The following PLPPR1 variants were observed in gnomAD, a reference collection of about 807,000 sequenced individuals.
The protein encoded by PLPPR1 is phospholipid phosphatase related 1.
Under a neutral mutation model 33.1 loss-of-function variants are expected in PLPPR1, and 10 were observed. That is an observed-to-expected ratio of 0.30 (90% CI 0.19 to 0.51). PLPPR1 has a LOEUF of 0.51. Ranked by LOEUF, PLPPR1 falls within the 20% of genes least tolerant of loss-of-function variation. The pLI, the probability that PLPPR1 is intolerant of heterozygous loss-of-function variation, is 0.97. For synonymous variants in PLPPR1, 151 were observed against 151.0 expected (o/e 1.00, Z 0.00); for missense variants, 304 against 408.1 (o/e 0.74, Z 2.20).
In PLPPR1 at chr9:101,150,766, A is replaced by C. The variant is rs187239466; in HGVS notation, c.-45-34684A>C. Among the ~76,000 whole-genome samples, 102 of 152,250 alleles carry C rather than the reference A, an allele frequency of 6.7e-4. 1 individual carries two copies. Among genetic ancestry groups the C allele is most frequent in the African/African-American group, 2.3e-3 (94 of 41,552 alleles). On this transcript the variant is annotated intron_variant, in intron 1 of 7. Coordinates refer to ENST00000374874, the MANE Select transcript of PLPPR1 (RefSeq NM_207299.2). ...AGGAAGAGCCACTCGGCTTGTTTCC[A>C]CTTCAGATCCAGCTCCCTGCTGATC...
rs1257466782 is a variant in PLPPR1, at chr9:101,029,076, G to T, written c.-72G>T. On this transcript the variant is annotated 5_prime_UTR_variant, in exon 1 of 8. Coordinates refer to ENST00000374874, the MANE Select transcript of PLPPR1 (RefSeq NM_207299.2). ...CGGGAGCCGGACGGCCCAGTAGGGC[G>T]CACTGGAGGACGCTCCGCTGCGGGA... 1 of 152,820 alleles carries T rather than the reference G, an allele frequency of 6.5e-6. No individual in the cohort carries two copies. The highest frequency in any genetic ancestry group is 1.5e-5 in the Non-Finnish European group (1 of 68,302). The allele number at this position is 152,820 out of a possible 1,614,324, so 9.5% of individuals were successfully genotyped here.
rs185146357 is a variant in PLPPR1 at position 101,259,083 on chromosome 9, T to C, written c.64-10797T>C. Among the ~76,000 whole-genome samples, 57 of 152,278 alleles carry C rather than the reference T, an allele frequency of 3.7e-4. No homozygotes were observed. In the East Asian group the frequency reaches 0.011, roughly 28 times the overall value. ...ATGTAGTTGTAAATCTACTTAGTAA[T>C]ATTATTATATGCTCTACATTTCTCC... is the stretch of plus-strand genomic sequence containing the variant. On this transcript the variant is annotated intron_variant, in intron 2 of 7. Transcript: ENST00000374874.
chr9:101,071,637 A>G (rs977261682), intron 1 of PLPPR1, among the ~76,000 whole-genome samples: 1 of 152,122 alleles, frequency 6.6e-6, no homozygotes, highest in African/African-American at 2.4e-5. Flanking sequence ...ACAGACAGAG[A>G]TAGTACAAGA....
chr9:101,081,583 G>A (rs1182824961), intron 1 of PLPPR1, among the ~76,000 whole-genome samples: 1 of 152,194 alleles, frequency 6.6e-6, no homozygotes, highest in Non-Finnish European at 1.5e-5. Context: ...AGAAGAAGTG[G>A]AGAATTATAT....
At chr9:101,136,764 G>A (rs1831382486) in intron 1 of PLPPR1, among the ~76,000 whole-genome samples, 1 of 152,146 alleles carries the variant, frequency 6.6e-6, no homozygotes. Flanking sequence ...TTATAGTCAA[G>A]TTGATCTTCT....
chr9:101,271,337 C>T (rs1368528464), intron 3 of PLPPR1, among the ~76,000 whole-genome samples: 1 of 152,256 alleles, frequency 6.6e-6, no homozygotes, highest in Middle Eastern at 3.4e-3. Context: ...TAGCGCAGTG[C>T]CTGGCATTTA....
chr9:101,053,041 G>A (rs953742236), intron 1 of PLPPR1, among the ~76,000 whole-genome samples: 10 of 152,158 alleles, frequency 6.6e-5, no homozygotes, highest in African/African-American at 7.2e-5. Context: ...GATACTTTAT[G>A]TCAATCCATT....
intron 4 of PLPPR1, among the ~76,000 whole-genome samples, chr9:101,308,599 TGTTTCC>T (rs558258595): frequency 1.2e-3 from 179 of 152,362 alleles, no homozygotes; most frequent in Non-Finnish European, 2.2e-3. Flanking sequence ...TCTCATTTTC[TGTTTCC>T]AACATCAAAT....
chr9:101,287,129 G>C (rs1828406749), intron 4 of PLPPR1, among the ~76,000 whole-genome samples: 1 of 152,154 alleles, frequency 6.6e-6, no homozygotes, highest in Admixed American at 6.5e-5. Context: ...TAACTTGTCT[G>C]GTTGGAGTGG....
chr9:101,309,545 C>T, intron 5 of PLPPR1, 84 bp downstream of exon 5: 1 of 1,446,570 alleles, frequency 6.9e-7, no homozygotes, highest in South Asian at 1.3e-5. Context: ...CTTTCATTGT[C>T]ACTTATAGCG....
intron 2 of PLPPR1, among the ~76,000 whole-genome samples, chr9:101,238,919 A>G (rs1827391362): frequency 6.7e-6 from 1 of 149,480 alleles, no homozygotes; most frequent in Admixed American, 6.7e-5. Context: ...GCTTCTAACA[A>G]TCGCAGTTCT....
At chr9:101,318,666 C>T (rs1029045080) in intron 7 of PLPPR1, among the ~76,000 whole-genome samples, 2 of 152,010 alleles carry the variant, frequency 1.3e-5, no homozygotes, top group Admixed American at 1.3e-4. Flanking sequence ...CCCAGCTACT[C>T]CAGAGGCTGA....
At chr9:101,124,771 T>C (rs186352747) in intron 1 of PLPPR1, among the ~76,000 whole-genome samples, 20 of 152,344 alleles carry the variant, frequency 1.3e-4, no homozygotes, top group African/African-American at 3.8e-4. Flanking sequence ...CTGAAGAGAC[T>C]CAAGTAAATC....
rs565221336 is a variant in PLPPR1 at position 101,043,353 on chromosome 9, ATGTG to A, written c.-46+14253_-46+14256del. Among the ~76,000 whole-genome samples, 4 of 151,454 alleles carry A rather than the reference ATGTG, an allele frequency of 2.6e-5. No homozygotes were observed. In the South Asian group the frequency reaches 8.3e-4, roughly 32 times the overall value. ...TATATATACACACATATACATGTGT[ATGTG>A]TATGTATATACATATGTATATACGT... is the stretch of plus-strand genomic sequence containing the variant. On this transcript the variant is annotated intron_variant, in intron 1 of 7. Transcript: ENST00000374874.
rs529508005 is a variant in PLPPR1 at position 101,268,869 on chromosome 9, C to A, written c.64-1011C>A. On this transcript the variant is annotated intron_variant, in intron 2 of 7. Coordinates refer to ENST00000374874, the MANE Select transcript of PLPPR1 (RefSeq NM_207299.2). ...TTTTAGTTTGCCTGTTTTGTTAATGCTCAATCTAAGCACATGTTTAGTTTA... is the reference window on the plus strand; with the variant it reads ...TTTTAGTTTGCCTGTTTTGTTAATGATCAATCTAAGCACATGTTTAGTTTA... Among the ~76,000 whole-genome samples, 132 of 152,212 alleles carry A rather than the reference C, an allele frequency of 8.7e-4. 1 individual carries two copies. Among genetic ancestry groups the A allele is most frequent in the African/African-American group, 3.1e-3 (128 of 41,514 alleles).
chr9:101,324,112 C>T lies in PLPPR1; in HGVS notation c.*55C>T. 2 of 1,427,870 alleles carry T rather than the reference C, an allele frequency of 1.4e-6. No homozygotes were observed. The highest frequency in any genetic ancestry group is 2.3e-5 in the East Asian group (1 of 43,606). The allele number at this position is 1,427,870 out of a possible 1,614,324, so 88.5% of individuals were successfully genotyped here. A position where few individuals can be genotyped will look rare whatever the true frequency, so the allele number is the denominator to read the frequency against. On this transcript the variant is annotated 3_prime_UTR_variant, in exon 8 of 8. Coordinates refer to ENST00000374874, the MANE Select transcript of PLPPR1 (RefSeq NM_207299.2). ...AAAATCATCTTCCAATTCTATACTT[C>T]AAAACACACAGTTGCTCAATGTCAA...
chr9:101,193,417 T>C (rs1179002915), intron 2 of PLPPR1, among the ~76,000 whole-genome samples: 2 of 152,168 alleles, frequency 1.3e-5, no homozygotes, highest in Non-Finnish European at 2.9e-5. Flanking sequence ...CTCATAAGTA[T>C]AAGATATACA....
intron 1 of PLPPR1, among the ~76,000 whole-genome samples, chr9:101,154,754 C>T (rs538859644): frequency 6.6e-6 from 1 of 152,104 alleles, no homozygotes; most frequent in South Asian, 2.1e-4. Flanking sequence ...AAATGTGGCA[C>T]ATATACACCA....
In PLPPR1 at chr9:101,248,513, T is replaced by G. The variant is rs1416525793; in HGVS notation, c.64-21367T>G. 3.3e-5 allele frequency among the ~76,000 whole-genome samples: 5 copies of G among 152,034 alleles called. No homozygotes were observed. The South Asian group carries it at 8.3e-4, about 25-fold the overall frequency. The stretch of plus-strand genomic sequence containing the variant: ...TTCAGAAAGTTTTAAAGAGGAACAA[T>G]CATTTTCAAAAGAACCAGAAATCAA... On this transcript the variant is annotated intron_variant, in intron 2 of 7. Transcript: ENST00000374874.
Sources: allele counts gnomAD v4.1 joint callset (sites outside exome capture counted in the v4.1 genomes callset), GRCh38; gene constraint gnomAD v4.1.1; transcripts MANE v1.5; gene names NCBI Gene and HGNC (gene_info 2026-07-23, HGNC 2026-07-21).